FMNL1: variants seen among roughly 807,000 people sequenced by gnomAD.
The protein encoded by FMNL1 is formin-like protein 1.
In FMNL1, 43 loss-of-function variants were observed where a neutral mutation model predicts 121.3. The observed-to-expected ratio is 0.35, with a 90% confidence interval of 0.28 to 0.46. FMNL1 has a LOEUF of 0.46. FMNL1 is among the 20% of genes least tolerant of loss of function. The pLI, the probability that FMNL1 is intolerant of heterozygous loss-of-function variation, is 1.00. For synonymous variants in FMNL1, 613 were observed against 613.5 expected, an observed-to-expected ratio of 1.00 and a Z score of 0.01; for missense variants, 1,191 against 1,482.4, an observed-to-expected ratio of 0.80 and a Z score of 3.23.
intron 1 of FMNL1, among the ~76,000 whole-genome samples, chr17:45,229,938 A>T (rs940174618): frequency 2.0e-5 from 3 of 152,070 alleles, no homozygotes; most frequent in Non-Finnish European, 2.9e-5. Flanking sequence ...TGCAGCTGTG[A>T]TCTGGAACTC....
intron 11 of FMNL1, 51 bp downstream of exon 11, chr17:45,239,116 T>C: frequency 2.1e-6 from 3 of 1,459,228 alleles, no homozygotes; most frequent in Non-Finnish European, 2.9e-6. Flanking sequence ...CGGCAGAGTA[T>C]GGCTGAGTGG....
At chr17:45,228,420 T>A (rs1047478763) in intron 1 of FMNL1, among the ~76,000 whole-genome samples, 1 of 152,182 alleles carries the variant, frequency 6.6e-6, no homozygotes, top group Non-Finnish European at 1.5e-5. Context: ...CAGGGGGCTG[T>A]CCTGGGGGAG....
intron 19 of FMNL1, 125 bp from the exon 20 acceptor site, chr17:45,244,694 G>A: frequency 1.0e-6 from 1 of 956,122 alleles, no homozygotes; most frequent in South Asian, 1.6e-5. Flanking sequence ...GGCCTGTGCA[G>A]GAGTACAGTA....
chr17:45,232,318 C>T lies in FMNL1; in HGVS notation c.214-49C>T, dbSNP rs113727725. On this transcript the variant is annotated intron_variant, in intron 2 of 26. Coordinates refer to ENST00000331495, the MANE Select transcript of FMNL1 (RefSeq NM_005892.4). Reference sequence around the variant, plus strand: ...CTGGGACGAGAACTGGTCATTTGCCCTGGGGTAGCTCTGGCTGGTTTTCTG... The same window carrying T: ...CTGGGACGAGAACTGGTCATTTGCCTTGGGGTAGCTCTGGCTGGTTTTCTG... 317 of 1,560,704 alleles carry T rather than the reference C, an allele frequency of 2.0e-4. 2 individuals carry two copies. In the African/African-American group the frequency reaches 3.6e-3, roughly 18 times the overall value.
At chr17:45,224,912 G>A (rs1178645957) in intron 1 of FMNL1, among the ~76,000 whole-genome samples, 1 of 152,212 alleles carries the variant, frequency 6.6e-6, no homozygotes, top group Non-Finnish European at 1.5e-5. Flanking sequence ...CCTCTCCTAC[G>A]CCCATGCCCA....
In FMNL1 at chr17:45,243,965, G is replaced by T; in HGVS notation, c.2388G>T (p.Glu796Asp). The change falls in exon 18 of 27, where the codon GAG becomes GAT. Residue 796 changes from glutamate to aspartate, a missense_variant. Glu to Asp is a conservative substitution (Grantham distance 45). This residue lies in a region of FMNL1 where 367 missense variants were observed against 528.6 expected (regional missense o/e 0.69). Transcript: ENST00000331495. ...TCAGCCGCATCCCGCGCCTGCCGGA[G>T]CGCATGACCACACTCACCTTCCTGG... ...LCFSRIPRLPERMTTLTFLGN... is the reference protein window; with the variant it reads ...LCFSRIPRLPDRMTTLTFLGN... 6.2e-7 allele frequency: 1 copy of T among 1,613,200 alleles called. No individual in the cohort carries two copies.
intron 1 of FMNL1, 145 bp from the exon 2 acceptor site, chr17:45,230,459 A>G: frequency 1.6e-6 from 1 of 644,074 alleles, no homozygotes; most frequent in Non-Finnish European, 2.7e-6. Context: ...CTCATTGGAT[A>G]ACACTACGTA....
Position 45,230,078 on chromosome 17 carries a change from T to G in FMNL1, c.130-526T>G, listed in dbSNP as rs1176724935. The stretch of plus-strand genomic sequence containing the variant: ...GCTGTCCACTCTCCTTGCAAGAGAT[T>G]TCCTGGTGTTCGTGAGGCACTGGTG... On this transcript the variant is annotated intron_variant, in intron 1 of 26. Transcript: ENST00000331495. Among the ~76,000 whole-genome samples the G allele has an allele frequency of 2.0e-5, 3 of 152,136 alleles. No homozygotes were observed. In the East Asian group the frequency reaches 5.8e-4, roughly 29 times the overall value.
rs774353987 is a variant in FMNL1, at chr17:45,241,118, T to C, written c.1231-11T>C. ...CTGCGGGTCGGGGCTCACCATGTGC[T>C]GGTGCTACAGCTGACAGAGCGGCTT... On this transcript the variant is annotated splice_polypyrimidine_tract_variant and intron_variant, in intron 12 of 26. Coordinates refer to ENST00000331495, the MANE Select transcript of FMNL1 (RefSeq NM_005892.4). This position sits in a 1 kb window ranked among gnomAD's most constrained non-coding sequence, Gnocchi z 7.0. 1.9e-6 allele frequency: 3 copies of C among 1,613,792 alleles called. No homozygotes were observed. The highest frequency in any genetic ancestry group is 2.5e-6 in the Non-Finnish European group (3 of 1,179,878).
Position 45,236,218 on chromosome 17 carries a change from T to C in FMNL1, c.697T>C (p.Cys233Arg). The change falls in exon 7 of 27, where the codon TGC becomes CGC. Residue 233 changes from cysteine (C) to arginine (R), a missense_variant. This residue lies in a region of FMNL1 where 253 missense variants were observed against 417.5 expected (regional missense o/e 0.61). Transcript: ENST00000331495. Reference sequence around the variant, plus strand: ...GGACGACGTCCACGTCTGTATTATGTGCCTACGCGCCATCATGAACTACCA... The same window carrying C: ...GGACGACGTCCACGTCTGTATTATGCGCCTACGCGCCATCATGAACTACCA... ...QKDDVHVCIM[C>R]LRAIMNYQSG... 2 of 1,614,006 alleles carry C rather than the reference T, an allele frequency of 1.2e-6. No individual in the cohort carries two copies. Among genetic ancestry groups the C allele is most frequent in the Non-Finnish European group, 1.7e-6 (2 of 1,180,002 alleles).
chr17:45,244,316 C>A, intron 19 of FMNL1, 72 bp downstream of exon 19: 1 of 1,489,258 alleles, frequency 6.7e-7, no homozygotes, highest in Non-Finnish European at 9.2e-7. Context: ...AGGCCCTGCT[C>A]ACCTGCAATG....
chr17:45,232,423 T>C lies in FMNL1; in HGVS notation c.270T>C (p.Tyr90=). The change falls in exon 3 of 27, where the codon TAT becomes TAC. Residue 90 remains tyrosine, a synonymous_variant. Coordinates refer to ENST00000331495, the MANE Select transcript of FMNL1 (RefSeq NM_005892.4). ...CCTACATCCAGAAGCTGAAGAGCTA[T>C]GTGGATACTGGTGGGGTCAGCCGAA... ...PAAYIQKLKS[Y]VDTGGVSRKV... The C allele has an allele frequency of 6.2e-7, 1 of 1,614,036 alleles. No homozygotes were observed. The highest frequency in any genetic ancestry group is 8.5e-7 in the Non-Finnish European group (1 of 1,179,954).
chr17:45,245,216 G>C (rs770792815), intron 21 of FMNL1, 37 bp from the exon 22 acceptor site: 1 of 1,613,372 alleles, frequency 6.2e-7, no homozygotes. Context: ...CTGCCTCTCC[G>C]ATTCACTGAC....
Position 45,246,653 on chromosome 17 carries a change from G to A in FMNL1, c.*8+49G>A. The A allele has an allele frequency of 3.9e-6, 6 of 1,528,646 alleles. No individual in the cohort carries two copies. The South Asian group carries it at 6.3e-5, about 16-fold the overall frequency. The allele number at this position is 1,528,646 out of a possible 1,614,324, so 94.7% of individuals were successfully genotyped here. ...ATACCACGCTGCCCACAGCCCCTGG[G>A]ACCCTTGGGAGAACTGAGGCATGCT... On this transcript the variant is annotated intron_variant, in intron 26 of 26. Coordinates refer to ENST00000331495, the MANE Select transcript of FMNL1 (RefSeq NM_005892.4).
rs2043582305 is a variant in FMNL1, at chr17:45,237,694, CTTG to C, written c.894+62_894+64del. ...TTCCCCCTATGGTGTTGCTTGGAGT[CTTG>C]TTGTTGGCAGTTGTGGCCTTTGCTG... On this transcript the variant is annotated intron_variant, in intron 9 of 26. Transcript: ENST00000331495. This position sits in a 1 kb window ranked among gnomAD's most constrained non-coding sequence, Gnocchi z 4.4. The C allele has an allele frequency of 4.4e-6, 7 of 1,587,492 alleles. No individual in the cohort carries two copies. The highest frequency in any genetic ancestry group is 3.3e-4 in the Middle Eastern group (2 of 6,000).
rs1279545598 is a variant in FMNL1 at position 45,243,968 on chromosome 17, C to T, written c.2391C>T (p.Arg797=). ...CFSRIPRLPE[R]MTTLTFLGNF... is the part of the protein sequence containing the mutation. Reference sequence around the variant, plus strand: ...GCCGCATCCCGCGCCTGCCGGAGCGCATGACCACACTCACCTTCCTGGGCA... The same window carrying T: ...GCCGCATCCCGCGCCTGCCGGAGCGTATGACCACACTCACCTTCCTGGGCA... The change falls in exon 18 of 27, where the codon CGC becomes CGT. Residue 797 remains arginine (R), a synonymous_variant. Transcript: ENST00000331495. 1 of 1,613,084 alleles carries T rather than the reference C, an allele frequency of 6.2e-7. No individual in the cohort carries two copies. Among genetic ancestry groups the T allele is most frequent in the Non-Finnish European group, 8.5e-7 (1 of 1,179,962 alleles).
In FMNL1 at chr17:45,245,421, G is replaced by T; in HGVS notation, c.2892+5G>T. 1.9e-6 allele frequency: 3 copies of T among 1,614,076 alleles called. No individual in the cohort carries two copies. The highest frequency in any genetic ancestry group is 2.5e-6 in the Non-Finnish European group (3 of 1,180,004). On this transcript the variant is annotated splice_donor_5th_base_variant and intron_variant, in intron 22 of 26. Transcript: ENST00000331495. The stretch of plus-strand genomic sequence containing the variant: ...GCAGACAGCAAGACGGCTCAGGTGC[G>T]CCAGGGCTGGCCTCACCTGGAGGTG...
At position 45,241,742 on chromosome 17, in the gene FMNL1, C is replaced by T. The variant is rs1042079367; in HGVS notation, c.1586-105C>T. 34 of 1,430,538 alleles carry T rather than the reference C, an allele frequency of 2.4e-5. No individual in the cohort carries two copies. The highest frequency in any genetic ancestry group is 7.5e-5 in the East Asian group (3 of 39,774). The allele number at this position is 1,430,538 out of a possible 1,614,324, so 88.6% of individuals were successfully genotyped here. A position where few individuals can be genotyped will look rare whatever the true frequency, so the allele number is the denominator to read the frequency against. On this transcript the variant is annotated intron_variant, in intron 14 of 26. Coordinates refer to ENST00000331495, the MANE Select transcript of FMNL1 (RefSeq NM_005892.4). The surrounding 1 kb of genome is among the most constrained non-coding windows in gnomAD (Gnocchi z 7.0). The stretch of plus-strand genomic sequence containing the variant: ...GCGAGGGAGGTTTGGATTGTAGGCT[C>T]GGCTCAGGTAGGAGCGCATGCGTAG...
intron 3 of FMNL1, chr17:45,232,755 A>G: frequency 1.7e-6 from 1 of 593,620 alleles, no homozygotes; most frequent in Non-Finnish European, 3.1e-6. Flanking sequence ...ATGTCCATAC[A>G]TAGGTGTGTG....
Sources: allele counts gnomAD v4.1 joint callset (sites outside exome capture counted in the v4.1 genomes callset), GRCh38; gene constraint gnomAD v4.1.1; regional missense constraint gnomAD v4.1.1; non-coding constraint Gnocchi (gnomAD v3.1); transcripts MANE v1.5; gene names NCBI Gene and HGNC (gene_info 2026-07-23, HGNC 2026-07-21).